The following FAM78B variants were observed in gnomAD, a reference collection of about 807,000 sequenced individuals.
The protein encoded by FAM78B is family with sequence similarity 78 member B, also known as protein FAM78B.
FAM78B carries 10 observed loss-of-function variants against 20.0 expected under a neutral mutation model. The observed-to-expected ratio is 0.50, with a 90% confidence interval of 0.31 to 0.85. The LOEUF (loss-of-function observed/expected upper bound fraction) is 0.85, where lower values mean the gene tolerates loss of function less well. Ranked by LOEUF, FAM78B falls within the 40% of genes least tolerant of loss-of-function variation. The probability of loss-of-function intolerance (pLI) is 0.05; values close to 1 mark genes in which losing one functional copy is unlikely to be tolerated. For missense variants in FAM78B, 283 were observed against 345.0 expected (o/e 0.82, Z 1.42); for synonymous variants, 135 against 132.8 (o/e 1.02, Z -0.12).
chr1:166,081,981 T>C (rs1438164801), intron 1 of FAM78B, among the ~76,000 whole-genome samples: 1 of 152,166 alleles, frequency 6.6e-6, no homozygotes, highest in Admixed American at 6.5e-5. Flanking sequence ...TCTAACCCCA[T>C]GGCCGCCACC....
chr1:166,145,202 G>T (rs532612474), intron 1 of FAM78B, among the ~76,000 whole-genome samples: 3 of 152,294 alleles, frequency 2.0e-5, no homozygotes, highest in Admixed American at 6.5e-5. Context: ...AACTAAGGAG[G>T]CCAAGCACTG....
intron 1 of FAM78B, among the ~76,000 whole-genome samples, chr1:166,106,742 A>C: frequency 6.6e-6 from 1 of 152,132 alleles, no homozygotes; most frequent in East Asian, 1.9e-4. Context: ...GGAGGGAAGG[A>C]AGCAAGAGTT....
chr1:166,090,859 T>C (rs376402256), intron 1 of FAM78B, among the ~76,000 whole-genome samples: 3 of 152,216 alleles, frequency 2.0e-5, no homozygotes, highest in East Asian at 3.8e-4. Context: ...TAGTGTTTAT[T>C]GAGGGCTTAC....
chr1:166,098,589 GTGAAATGCT>G, intron 1 of FAM78B, among the ~76,000 whole-genome samples: 2 of 152,096 alleles, frequency 1.3e-5, no homozygotes, highest in East Asian at 3.9e-4. Flanking sequence ...TTTCAGAAAT[GTGAAATGCT>G]CTGGAAAGTC....
At chr1:166,091,981 A>C (rs757993920) in intron 1 of FAM78B, among the ~76,000 whole-genome samples, 29 of 151,800 alleles carry the variant, frequency 1.9e-4, no homozygotes, top group Non-Finnish European at 4.0e-4. Flanking sequence ...ATGAAGCAAG[A>C]CAGCAGGAGA....
At chr1:166,133,883 C>A (rs114256297) in intron 1 of FAM78B, among the ~76,000 whole-genome samples, 169 of 152,266 alleles carry the variant, frequency 1.1e-3, no homozygotes, top group Non-Finnish European at 9.7e-4. Context: ...TTACTTTATA[C>A]GAGGAACTAA....
intron 1 of FAM78B, among the ~76,000 whole-genome samples, chr1:166,121,478 C>T (rs1654463700): frequency 6.6e-6 from 1 of 152,168 alleles, no homozygotes; most frequent in African/African-American, 2.4e-5. Context: ...GAAGAATGGT[C>T]TAGAAGGAAG....
chr1:166,120,744 C>T (rs1654435913), intron 1 of FAM78B, among the ~76,000 whole-genome samples: 1 of 146,518 alleles, frequency 6.8e-6, no homozygotes, highest in Non-Finnish European at 1.5e-5. Context: ...TAAGGGCTGT[C>T]CCCAAGAGCA....
At position 166,166,729 on chromosome 1, in the gene FAM78B, C is replaced by CGCT. The variant is rs1304939247; in HGVS notation, c.-484_-482dup. 2.0e-5 allele frequency: 3 copies of CGCT among 149,726 alleles called. No individual in the cohort carries two copies. Among genetic ancestry groups the CGCT allele is most frequent in the Admixed American group, 1.3e-4 (2 of 15,086 alleles). 9.3% of individuals were successfully genotyped at this position (149,726 alleles called of 1,614,324 possible). A position where few individuals can be genotyped will look rare whatever the true frequency, so the allele number is the denominator to read the frequency against. Reference sequence around the variant, plus strand: ...CAGCAGCAGCCGCCGCCGCCGCCGCCGCTGCATGAACCTCTGCACCACGGC... The same window carrying CGCT: ...CAGCAGCAGCCGCCGCCGCCGCCGCCGCTGCTGCATGAACCTCTGCACCACGGC... On this transcript the variant is annotated 5_prime_UTR_variant, in exon 1 of 2. Coordinates refer to ENST00000354422, the MANE Select transcript of FAM78B (RefSeq NM_001017961.5).
intron 1 of FAM78B, among the ~76,000 whole-genome samples, chr1:166,072,454 G>A (rs1024390013): frequency 3.3e-5 from 5 of 152,188 alleles, no homozygotes; most frequent in Non-Finnish European, 7.3e-5. Flanking sequence ...AGCTCATTTT[G>A]CTACATATGC....
chr1:166,084,249 T>A lies in FAM78B; in HGVS notation c.264-13486A>T, dbSNP rs1481145465. On this transcript the variant is annotated intron_variant, in intron 1 of 1. Transcript: ENST00000354422. The stretch of plus-strand genomic sequence containing the variant: ...CACACACACACACACTCTCTCTCTC[T>A]CTCTCTCTCTCTCTCTTTCTCTCTC... Among the ~76,000 whole-genome samples the A allele has an allele frequency of 1.1e-3, 164 of 142,824 alleles. 1 individual carries two copies. Among genetic ancestry groups the A allele is most frequent in the South Asian group, 3.2e-3 (15 of 4,712 alleles). The allele number at this position is 142,824 out of a possible 152,430, so 93.7% of individuals were successfully genotyped here. A position where few individuals can be genotyped will look rare whatever the true frequency, so the allele number is the denominator to read the frequency against.
intron 1 of FAM78B, among the ~76,000 whole-genome samples, chr1:166,100,411 A>G (rs1357079847): frequency 6.6e-6 from 1 of 152,228 alleles, no homozygotes; most frequent in African/African-American, 2.4e-5. Context: ...TCACCCAGGA[A>G]GTGCAAGGGG....
chr1:166,096,983 C>T (rs936213890), intron 1 of FAM78B, among the ~76,000 whole-genome samples: 1 of 152,168 alleles, frequency 6.6e-6, no homozygotes, highest in African/African-American at 2.4e-5. Flanking sequence ...GACGCACAGA[C>T]CCTCTGAAGG....
chr1:166,106,065 G>T (rs1001564829), intron 1 of FAM78B, among the ~76,000 whole-genome samples: 1 of 151,700 alleles, frequency 6.6e-6, no homozygotes, highest in Non-Finnish European at 1.5e-5. Flanking sequence ...AGGGACATGG[G>T]TGAAGATGGA....
Position 166,077,889 on chromosome 1 carries a change from A to T in FAM78B, c.264-7126T>A, listed in dbSNP as rs1004982596. Among the ~76,000 whole-genome samples, 24 of 3,288 alleles carry T rather than the reference A, an allele frequency of 7.3e-3. 1 individual carries two copies. The East Asian group carries it at 0.11, about 15-fold the overall frequency. 2.2% of individuals were successfully genotyped at this position (3,288 alleles called of 152,430 possible). A position where few individuals can be genotyped will look rare whatever the true frequency, so the allele number is the denominator to read the frequency against. On this transcript the variant is annotated intron_variant, in intron 1 of 1. Coordinates refer to ENST00000354422, the MANE Select transcript of FAM78B (RefSeq NM_001017961.5). ...ATATATATAATTATATATATAATAA[A>T]TATATATAATTTATATATATAATTA... is the stretch of plus-strand genomic sequence containing the variant.
At chr1:166,158,676 A>T (rs1015283024) in intron 1 of FAM78B, among the ~76,000 whole-genome samples, 1 of 152,298 alleles carries the variant, frequency 6.6e-6, no homozygotes, top group East Asian at 1.9e-4. Flanking sequence ...CAACAACAAC[A>T]ACTCTAGAAC....
At chr1:166,111,253 C>A (rs760341680) in intron 1 of FAM78B, among the ~76,000 whole-genome samples, 1 of 152,130 alleles carries the variant, frequency 6.6e-6, no homozygotes, top group Non-Finnish European at 1.5e-5. Context: ...TCCAAATGTA[C>A]GAAGTTGTCA....
chr1:166,070,800 G>A, intron 1 of FAM78B, 37 bp from the exon 2 acceptor site: 1 of 1,505,442 alleles, frequency 6.6e-7, no homozygotes, highest in African/African-American at 1.4e-5. Flanking sequence ...AAAAGAAGAG[G>A]CTGAATGAAT....
intron 1 of FAM78B, among the ~76,000 whole-genome samples, chr1:166,152,974 T>C (rs1018143122): frequency 2.0e-5 from 3 of 152,166 alleles, no homozygotes; most frequent in Admixed American, 1.3e-4. Context: ...GCCCAGCTGG[T>C]ACTCTGGTTT....
Sources: allele counts gnomAD v4.1 joint callset (sites outside exome capture counted in the v4.1 genomes callset), GRCh38; gene constraint gnomAD v4.1.1; transcripts MANE v1.5; gene names NCBI Gene and HGNC (gene_info 2026-07-23, HGNC 2026-07-21).